DNAL1: variants seen among roughly 807,000 people sequenced by gnomAD.
The protein encoded by DNAL1 is chromosome 14 open reading frame 168.
Under a neutral mutation model 29.4 loss-of-function variants are expected in DNAL1, and 17 were observed. The ratio of observed to expected loss-of-function variants is 0.58; its 90% CI spans 0.40 to 0.87. The LOEUF is 0.87. Ranked by LOEUF, DNAL1 falls within the 40% of genes least tolerant of loss-of-function variation. The pLI is 0.00. For missense variants in DNAL1, 188 were observed against 214.1 expected (o/e 0.88, Z 0.76); for synonymous variants, 78 against 76.3 (o/e 1.02, Z -0.12).
intron 5 of DNAL1, among the ~76,000 whole-genome samples, chr14:73,677,651 G>A (rs1483268124): frequency 6.7e-6 from 1 of 150,080 alleles, no homozygotes; most frequent in Non-Finnish European, 1.5e-5. Context: ...CCGCCTCCCG[G>A]GTTCCCGCCA....
chr14:73,648,708 C>T (rs1039767217), intron 1 of DNAL1, among the ~76,000 whole-genome samples: 6 of 151,442 alleles, frequency 4.0e-5, no homozygotes, highest in Admixed American at 2.0e-4. Context: ...AGCCACCATG[C>T]CCAGCCTTCT....
At chr14:73,690,629 G>A (rs1372963151) in intron 7 of DNAL1, among the ~76,000 whole-genome samples, 1 of 150,314 alleles carries the variant, frequency 6.7e-6, no homozygotes, top group African/African-American at 2.5e-5. Flanking sequence ...TCCAGCCTAG[G>A]CAACAAGAGC....
At chr14:73,684,848 T>C (rs1000263724) in intron 5 of DNAL1, among the ~76,000 whole-genome samples, 4 of 152,158 alleles carry the variant, frequency 2.6e-5, no homozygotes, top group African/African-American at 9.7e-5. Flanking sequence ...AGTGACCTGA[T>C]TGTGCCCTGT....
In DNAL1 at chr14:73,700,691, C is replaced by G. The variant is rs1892415275; in HGVS notation, c.*4749C>G. ...ACCATCAATTCACTAAGACCTTATA[C>G]TCTGTAAGTGTTGGTAAAGGAAGAA... On this transcript the variant is annotated 3_prime_UTR_variant, in exon 8 of 8. Transcript: ENST00000553645. 6.6e-6 allele frequency: 1 copy of G among 152,194 alleles called. No individual in the cohort carries two copies. Among genetic ancestry groups the G allele is most frequent in the Admixed American group, 6.5e-5 (1 of 15,284 alleles). The allele number at this position is 152,194 out of a possible 1,614,324, so 9.4% of individuals were successfully genotyped here.
In DNAL1 at chr14:73,703,016, G is replaced by A. The variant is rs1892474134; in HGVS notation, c.*7074G>A. The A allele has an allele frequency of 6.6e-6, 1 of 152,030 alleles. No individual in the cohort carries two copies. Among genetic ancestry groups the A allele is most frequent in the Non-Finnish European group, 1.5e-5 (1 of 68,038 alleles). The allele number at this position is 152,030 out of a possible 1,614,324, so 9.4% of individuals were successfully genotyped here. ...CGCCTGTGGTCCTAGCTACTGGGGAGGCTGAGGCAGGATTGCTTGAACCCA... is the reference window on the plus strand; with the variant it reads ...CGCCTGTGGTCCTAGCTACTGGGGAAGCTGAGGCAGGATTGCTTGAACCCA... On this transcript the variant is annotated 3_prime_UTR_variant, in exon 8 of 8. Transcript: ENST00000553645.
At chr14:73,692,208 G>A (rs1566892522) in intron 7 of DNAL1, among the ~76,000 whole-genome samples, 2 of 152,094 alleles carry the variant, frequency 1.3e-5, no homozygotes, top group Admixed American at 6.6e-5. Flanking sequence ...GAGGCCGGGT[G>A]TAGTGGCTCA....
rs1374902190 is a variant in DNAL1 at position 73,701,559 on chromosome 14, T to C, written c.*5617T>C. On this transcript the variant is annotated 3_prime_UTR_variant, in exon 8 of 8. Coordinates refer to ENST00000553645, the MANE Select transcript of DNAL1 (RefSeq NM_031427.4). ...TCTAGATTTTAAATGAATGTAGAGT[T>C]GTCTAACATTATATGGGTGGGAGGC... 6.6e-6 allele frequency: 1 copy of C among 152,266 alleles called. No homozygotes were observed. The highest frequency in any genetic ancestry group is 1.5e-5 in the Non-Finnish European group (1 of 68,046). The allele number at this position is 152,266 out of a possible 1,614,324, so 9.4% of individuals were successfully genotyped here. A position where few individuals can be genotyped will look rare whatever the true frequency, so the allele number is the denominator to read the frequency against.
rs1378112257 is a variant in DNAL1, at chr14:73,654,840, TTTA to T, written c.4-6_4-4del. ...TTTTCTTTTCTTTCTTTTTTTTTTT[TTTA>T]AAGGCGAAAGCAACAACAATCAAAG... is the stretch of plus-strand genomic sequence containing the variant. On this transcript the variant is annotated splice_polypyrimidine_tract_variant and splice_region_variant and intron_variant, in intron 1 of 7. Coordinates refer to ENST00000553645, the MANE Select transcript of DNAL1 (RefSeq NM_031427.4). The T allele has an allele frequency of 6.6e-7, 1 of 1,516,082 alleles. No homozygotes were observed. The highest frequency in any genetic ancestry group is 8.8e-7 in the Non-Finnish European group (1 of 1,138,254). 93.9% of individuals were successfully genotyped at this position (1,516,082 alleles called of 1,614,324 possible). A position where few individuals can be genotyped will look rare whatever the true frequency, so the allele number is the denominator to read the frequency against.
rs1278556357 is a variant in DNAL1, at chr14:73,682,866, GTTATTTTTTT to G, written c.265-4390_265-4381del. Among the ~76,000 whole-genome samples the G allele has an allele frequency of 2.9e-3, 330 of 113,864 alleles. 1 individual carries two copies. Among genetic ancestry groups the G allele is most frequent in the African/African-American group, 0.011 (293 of 27,078 alleles). 74.7% of individuals were successfully genotyped at this position (113,864 alleles called of 152,430 possible). ...AGGACCTGTCTGAGGCTGTTTTATAGTTATTTTTTTTTTTTTTTTTTTTTTTTTAGTTGGA... is the reference window on the plus strand; with the variant it reads ...AGGACCTGTCTGAGGCTGTTTTATAGTTTTTTTTTTTTTTTTTTAGTTGGA... On this transcript the variant is annotated intron_variant, in intron 5 of 7. Transcript: ENST00000553645.
intron 5 of DNAL1, among the ~76,000 whole-genome samples, chr14:73,681,169 T>C (rs1891866141): frequency 1.3e-5 from 2 of 151,510 alleles, no homozygotes; most frequent in African/African-American, 2.4e-5. Context: ...AGTCTCACTC[T>C]GTCACTGAGG....
intron 4 of DNAL1, among the ~76,000 whole-genome samples, chr14:73,665,643 T>C (rs557196686): frequency 1.2e-3 from 186 of 152,048 alleles, no homozygotes; most frequent in South Asian, 3.7e-3. Context: ...ATACAAACAT[T>C]AGCCAGGTGT....
rs377470716 is a variant in DNAL1 at position 73,680,072 on chromosome 14, T to C, written c.265-7187T>C. Among the ~76,000 whole-genome samples the C allele has an allele frequency of 4.6e-5, 7 of 152,214 alleles. No homozygotes were observed. The East Asian group carries it at 1.3e-3, about 29-fold the overall frequency. On this transcript the variant is annotated intron_variant, in intron 5 of 7. Coordinates refer to ENST00000553645, the MANE Select transcript of DNAL1 (RefSeq NM_031427.4). ...GCTTTAATTTTCTTTAACTTTAGAA[T>C]TTATTTTGATATCAAGAAAAATCCT...
chr14:73,661,189 C>T (rs920639792), intron 3 of DNAL1, among the ~76,000 whole-genome samples: 1 of 151,924 alleles, frequency 6.6e-6, no homozygotes, highest in Non-Finnish European at 1.5e-5. Context: ...TATTGTTCTG[C>T]TAGATGGTTT....
intron 4 of DNAL1, among the ~76,000 whole-genome samples, chr14:73,662,807 CTTTTTTT>C (rs61249050): frequency 2.8e-4 from 38 of 135,298 alleles, no homozygotes; most frequent in Middle Eastern, 3.5e-3. Flanking sequence ...CTGCAAAGTA[CTTTTTTT>C]TTTTTTTTTT....
At position 73,669,757 on chromosome 14, in the gene DNAL1, C is replaced by T. The variant is rs189620703; in HGVS notation, c.209-1785C>T. ...ATTACCTCTTTACAGGCTCTGTCTC[C>T]AAATGCAGTCCTATTCTGATACTAG... On this transcript the variant is annotated intron_variant, in intron 4 of 7. Coordinates refer to ENST00000553645, the MANE Select transcript of DNAL1 (RefSeq NM_031427.4). Among the ~76,000 whole-genome samples, 89 of 152,156 alleles carry T rather than the reference C, an allele frequency of 5.8e-4. 2 individuals are homozygous for T. The highest frequency in any genetic ancestry group is 3.7e-3 in the Admixed American group (57 of 15,272).
chr14:73,670,736 TTTATTA>T (rs933351653), intron 4 of DNAL1, among the ~76,000 whole-genome samples: 2 of 151,408 alleles, frequency 1.3e-5, no homozygotes, highest in African/African-American at 4.8e-5. Context: ...TTTATTTATT[TTTATTA>T]TTATTTTTTT....
At chr14:73,684,800 G>A (rs1282220379) in intron 5 of DNAL1, among the ~76,000 whole-genome samples, 1 of 152,124 alleles carries the variant, frequency 6.6e-6, no homozygotes, top group African/African-American at 2.4e-5. Flanking sequence ...AGGGGGCTGA[G>A]GCAGGAGGAT....
At chr14:73,679,306 T>C (rs1891819295) in intron 5 of DNAL1, among the ~76,000 whole-genome samples, 1 of 152,220 alleles carries the variant, frequency 6.6e-6, no homozygotes, top group Admixed American at 6.5e-5. Context: ...GACTTTTGTT[T>C]TTATACTTGT....
intron 6 of DNAL1, 62 bp downstream of exon 6, chr14:73,687,447 G>A: frequency 2.1e-6 from 3 of 1,447,344 alleles, no homozygotes; most frequent in Non-Finnish European, 2.7e-6. Flanking sequence ...TAGTCCGAGA[G>A]GGAAAAGATG....
Sources: allele counts gnomAD v4.1 joint callset (sites outside exome capture counted in the v4.1 genomes callset), GRCh38; gene constraint gnomAD v4.1.1; transcripts MANE v1.5; gene names NCBI Gene and HGNC (gene_info 2026-07-23, HGNC 2026-07-21).